NCKAP5: variants seen among roughly 807,000 people sequenced by gnomAD.
The protein encoded by NCKAP5 is NCK associated protein 5, also known as nck-associated protein 5.
In NCKAP5, 92 loss-of-function variants were observed where a neutral mutation model predicts 167.0. That is an observed-to-expected ratio of 0.55 (90% CI 0.47 to 0.66). The LOEUF (loss-of-function observed/expected upper bound fraction) is 0.66. Ranked by LOEUF, NCKAP5 falls within the 30% of genes least tolerant of loss-of-function variation. The pLI is 0.00. For missense variants in NCKAP5, 2,378 were observed against 2,315.0 expected, an observed-to-expected ratio of 1.03 and a Z score of -0.56; for synonymous variants, 891 against 877.4, an observed-to-expected ratio of 1.02 and a Z score of -0.27.
rs533029077 is a variant in NCKAP5 at position 133,184,390 on chromosome 2, C to A, written c.207+29326G>T. 3.3e-5 allele frequency among the ~76,000 whole-genome samples: 5 copies of A among 152,222 alleles called. No individual in the cohort carries two copies. The East Asian group carries it at 9.7e-4, about 29-fold the overall frequency. ...CACTGATGGACACTTAGGTTGGTTC[C>A]ATGTCTTCGTTATTGTGAATAGTGC... On this transcript the variant is annotated intron_variant, in intron 5 of 19. Coordinates refer to ENST00000409261, the MANE Select transcript of NCKAP5 (RefSeq NM_207363.3).
the NCKAP5 span, among the ~76,000 whole-genome samples, chr2:133,602,872 G>T: frequency 1.3e-5 from 2 of 152,168 alleles, no homozygotes; most frequent in African/African-American, 4.8e-5. Flanking sequence ...ACTTTGAGAG[G>T]CCTTCTGCTG....
chr2:132,873,100 T>A (rs1272946007), intron 9 of NCKAP5, among the ~76,000 whole-genome samples: 2 of 152,076 alleles, frequency 1.3e-5, no homozygotes, highest in African/African-American at 4.8e-5. Context: ...GAAAAAATTA[T>A]TTTATTTTAT....
chr2:133,013,651 G>T (rs1268782631), intron 6 of NCKAP5, among the ~76,000 whole-genome samples: 1 of 152,162 alleles, frequency 6.6e-6, no homozygotes, highest in African/African-American at 2.4e-5. Context: ...AGATTTGGGT[G>T]GGAATACAGC....
the NCKAP5 span, among the ~76,000 whole-genome samples, chr2:133,610,487 C>T: frequency 6.6e-6 from 1 of 152,250 alleles, no homozygotes; most frequent in Admixed American, 6.5e-5. Flanking sequence ...CTTTGATCCC[C>T]ATAATGTCAT....
Position 132,905,806 on chromosome 2 carries a change from A to G in NCKAP5, c.580-26890T>C, listed in dbSNP as rs1294021114. ...ACCTGACCACCTTACTGCACTCTTT[A>G]TCCGTTCTAATGCTCTTCCAATTGA... is the stretch of plus-strand genomic sequence containing the variant. On this transcript the variant is annotated intron_variant, in intron 8 of 19. Coordinates refer to ENST00000409261, the MANE Select transcript of NCKAP5 (RefSeq NM_207363.3). 3.3e-5 allele frequency among the ~76,000 whole-genome samples: 5 copies of G among 152,188 alleles called. No homozygotes were observed. The East Asian group carries it at 9.6e-4, about 29-fold the overall frequency.
intron 6 of NCKAP5, 123 bp downstream of exon 6, chr2:133,129,855 A>G: frequency 8.5e-7 from 1 of 1,172,880 alleles, no homozygotes; most frequent in Middle Eastern, 2.2e-4. Context: ...GAAGGTCTAA[A>G]TGGTTGGTAA....
intron 16 of NCKAP5, among the ~76,000 whole-genome samples, chr2:132,763,746 A>T (rs982276822): frequency 6.6e-6 from 1 of 152,210 alleles, no homozygotes; most frequent in African/African-American, 2.4e-5. Flanking sequence ...GCTCTGTGCC[A>T]TCAGATGTAT....
intron 5 of NCKAP5, among the ~76,000 whole-genome samples, chr2:133,162,164 A>G (rs907337280): frequency 7.2e-5 from 11 of 152,266 alleles, no homozygotes; most frequent in Admixed American, 7.2e-4. Context: ...AGCCTTTGGA[A>G]AAAGGATGTT....
intron 11 of NCKAP5, among the ~76,000 whole-genome samples, chr2:132,840,872 A>G (rs73956962): frequency 0.079 from 11,961 of 152,104 alleles, 943 homozygotes; most frequent in African/African-American, 0.19. Context: ...AATTGTCACA[A>G]ATCTCCAAAA....
chr2:133,607,904 T>G, the NCKAP5 span, among the ~76,000 whole-genome samples: 7 of 152,234 alleles, frequency 4.6e-5, no homozygotes, highest in African/African-American at 1.4e-4. Context: ...TGCATCATAG[T>G]CATGAGCTTC....
At chr2:133,239,078 T>C (rs1231692443) in intron 4 of NCKAP5, among the ~76,000 whole-genome samples, 1 of 152,224 alleles carries the variant, frequency 6.6e-6, no homozygotes, top group African/African-American at 2.4e-5. Context: ...CCTATAAATA[T>C]GGGTTTTTCA....
At chr2:133,506,637 T>C (rs1300849246) in intron 3 of NCKAP5, among the ~76,000 whole-genome samples, 1 of 152,190 alleles carries the variant, frequency 6.6e-6, no homozygotes, top group Non-Finnish European at 1.5e-5. Flanking sequence ...TCACTCCTTA[T>C]AGCCACATGG....
chr2:133,562,265 T>C (rs1336620655), intron 1 of NCKAP5, among the ~76,000 whole-genome samples: 1 of 152,136 alleles, frequency 6.6e-6, no homozygotes, highest in Admixed American at 6.6e-5. Context: ...TCAATGTTTA[T>C]ATATATGAGC....
intron 8 of NCKAP5, among the ~76,000 whole-genome samples, chr2:132,923,927 G>T (rs543855509): frequency 9.2e-5 from 14 of 152,236 alleles, no homozygotes; most frequent in Non-Finnish European, 1.8e-4. Flanking sequence ...ATTTGGATAG[G>T]ATCTGACACA....
intron 3 of NCKAP5, among the ~76,000 whole-genome samples, chr2:133,335,350 T>A (rs1683141948): frequency 6.6e-6 from 1 of 152,220 alleles, no homozygotes; most frequent in Non-Finnish European, 1.5e-5. Flanking sequence ...ATTATTAGAT[T>A]GCTAGTAATT....
At chr2:133,457,086 T>C (rs1691905940) in intron 3 of NCKAP5, among the ~76,000 whole-genome samples, 1 of 152,108 alleles carries the variant, frequency 6.6e-6, no homozygotes, top group South Asian at 2.1e-4. Flanking sequence ...TTGTATTTCA[T>C]ACAAAAAGGG....
chr2:133,209,883 C>T (rs2086128225), intron 5 of NCKAP5, among the ~76,000 whole-genome samples: 1 of 151,964 alleles, frequency 6.6e-6, no homozygotes, highest in South Asian at 2.1e-4. Context: ...TAAAAGAAAT[C>T]TCAGCCAGGT....
At chr2:133,213,548 C>A (rs1463688190) in intron 5 of NCKAP5, among the ~76,000 whole-genome samples, 168 bp downstream of exon 5, 3 of 152,086 alleles carry the variant, frequency 2.0e-5, no homozygotes, top group Non-Finnish European at 4.4e-5. Flanking sequence ...ACTCTGATGG[C>A]AAATGGCAGA....
chr2:132,745,542 G>A (rs1679565878), intron 16 of NCKAP5, among the ~76,000 whole-genome samples: 1 of 151,898 alleles, frequency 6.6e-6, no homozygotes, highest in South Asian at 2.1e-4. Flanking sequence ...CTGAGAGCAT[G>A]TTAAGAATGT....
Sources: gnomAD v4.1 joint callset for allele counts (sites outside exome capture counted in the v4.1 genomes callset) on GRCh38, gnomAD v4.1.1 for gene constraint, MANE v1.5 for transcripts, NCBI Gene and HGNC (gene_info 2026-07-23, HGNC 2026-07-21) for gene names.